Variants in WDR26 observed in about 807,000 individuals in gnomAD.
WDR26 encodes the protein WD repeat domain 26, also known as WD repeat-containing protein 26.
WDR26 carries 5 observed loss-of-function variants against 84.1 expected under a neutral mutation model. That is an observed-to-expected ratio of 0.06 (90% CI 0.03 to 0.13). The LOEUF (loss-of-function observed/expected upper bound fraction) is 0.13. Among genes scored for constraint, WDR26 ranks in the 10% least tolerant of loss-of-function variants. WDR26 has a pLI of 1.00. For missense variants in WDR26, 642 were observed against 974.9 expected, an observed-to-expected ratio of 0.66 and a Z score of 4.55; for synonymous variants, 415 against 389.6, an observed-to-expected ratio of 1.07 and a Z score of -0.77.
chr1:224,411,098 C>G (rs973238816), intron 7 of WDR26, among the ~76,000 whole-genome samples: 10 of 152,172 alleles, frequency 6.6e-5, no homozygotes, highest in Admixed American at 3.3e-4. Context: ...TTGTCACGTA[C>G]TAGCTGTGAG....
chr1:224,433,247 A>G lies in WDR26; in HGVS notation c.722+437T>C, dbSNP rs1674454636. Among the ~76,000 whole-genome samples the G allele has an allele frequency of 2.0e-5, 3 of 152,080 alleles. No homozygotes were observed. The South Asian group carries it at 6.2e-4, about 31-fold the overall frequency. ...GTTGGGGGTGGGGAGGTGTCCCACA[A>G]AGATGCCTCCAAGATACACTTGAAA... On this transcript the variant is annotated intron_variant, in intron 1 of 13. Coordinates refer to ENST00000414423, the MANE Select transcript of WDR26 (RefSeq NM_001379403.1).
rs1050970840 is a variant in WDR26 at position 224,421,167 on chromosome 1, G to A, written c.1065-1552C>T. On this transcript the variant is annotated intron_variant, in intron 4 of 13. Transcript: ENST00000414423. ...CCCAGTTCCACATCTCACCACCTTT[G>A]GGCCATTTCCTTAGGTGAAAAACTC... Among the ~76,000 whole-genome samples the A allele has an allele frequency of 3.9e-5, 6 of 152,178 alleles. No homozygotes were observed. In the South Asian group the frequency reaches 1.2e-3, roughly 32 times the overall value.
In WDR26 at chr1:224,389,374, A is replaced by G; in HGVS notation, c.*461T>C. 1 of 295,514 alleles carries G rather than the reference A, an allele frequency of 3.4e-6. No homozygotes were observed. Among genetic ancestry groups the G allele is most frequent in the Non-Finnish European group, 6.2e-6 (1 of 162,426 alleles). The allele number at this position is 295,514 out of a possible 1,614,324, so 18.3% of individuals were successfully genotyped here. On this transcript the variant is annotated 3_prime_UTR_variant, in exon 14 of 14. Coordinates refer to ENST00000414423, the MANE Select transcript of WDR26 (RefSeq NM_001379403.1). ...TAAGGCGGAAAGATTTGGAGAAACA[A>G]AAGAAGGAAATTCTTTCCTATCCAA...
intron 4 of WDR26, among the ~76,000 whole-genome samples, chr1:224,423,505 G>C (rs576264677): frequency 3.5e-4 from 53 of 152,184 alleles, no homozygotes; most frequent in Non-Finnish European, 6.3e-4. Flanking sequence ...CAGCACCTTG[G>C]GAGGCCGAAG....
chr1:224,406,618 C>T (rs181388299), intron 7 of WDR26, among the ~76,000 whole-genome samples: 558 of 152,216 alleles, frequency 3.7e-3, no homozygotes, highest in Non-Finnish European at 6.3e-3. Flanking sequence ...GTTAACAATG[C>T]GACTACTTCT....
In WDR26 at chr1:224,412,404, T is replaced by C. The variant is rs374637034; in HGVS notation, c.1320-839A>G. On this transcript the variant is annotated intron_variant, in intron 6 of 13. Transcript: ENST00000414423. Reference sequence around the variant, plus strand: ...AATTAACCTCTCTAAATCTCAATTTTTCCAACTATCAAACAAAGATTAAGG... The same window carrying C: ...AATTAACCTCTCTAAATCTCAATTTCTCCAACTATCAAACAAAGATTAAGG... Among the ~76,000 whole-genome samples the C allele has an allele frequency of 5.9e-5, 9 of 152,288 alleles. No individual in the cohort carries two copies. In the East Asian group the frequency reaches 9.6e-4, roughly 16 times the overall value.
intron 6 of WDR26, among the ~76,000 whole-genome samples, chr1:224,414,092 G>A (rs747994231): frequency 2.6e-5 from 4 of 151,140 alleles, no homozygotes; most frequent in Admixed American, 6.6e-5. Flanking sequence ...GATTACAGGC[G>A]TGAGCCACCA....
rs889790374 is a variant in WDR26, at chr1:224,386,968, A to G, written c.*2867T>C. The G allele has an allele frequency of 1.3e-5, 2 of 152,482 alleles. No homozygotes were observed. The highest frequency in any genetic ancestry group is 4.8e-5 in the African/African-American group (2 of 41,444). The allele number at this position is 152,482 out of a possible 1,614,324, so 9.4% of individuals were successfully genotyped here. On this transcript the variant is annotated 3_prime_UTR_variant, in exon 14 of 14. Transcript: ENST00000414423. ...CTAATCTCAGTAATCCCCAAGTCCA[A>G]CATTTTACCATTAATAACCAATTAT...
intron 4 of WDR26, among the ~76,000 whole-genome samples, chr1:224,422,803 T>C (rs1674102292): frequency 6.6e-6 from 1 of 152,164 alleles, no homozygotes; most frequent in African/African-American, 2.4e-5. Context: ...GTCCATGGCT[T>C]AACTAGGCTA....
chr1:224,407,005 C>T (rs554727599), intron 7 of WDR26, among the ~76,000 whole-genome samples: 210 of 148,278 alleles, frequency 1.4e-3, no homozygotes, highest in Non-Finnish European at 2.2e-3. Context: ...GCCTGTAATC[C>T]CAGCTGCTCG....
chr1:224,398,254 T>G (rs764073284), intron 11 of WDR26, 28 bp from the exon 12 acceptor site: 1 of 1,600,612 alleles, frequency 6.2e-7, no homozygotes, highest in Non-Finnish European at 8.5e-7. Context: ...TACAGATATT[T>G]AATCTGCCTC....
chr1:224,398,884 G>C lies in WDR26; in HGVS notation c.1865+5C>G. The C allele has an allele frequency of 6.2e-7, 1 of 1,613,442 alleles. No individual in the cohort carries two copies. Among genetic ancestry groups the C allele is most frequent in the South Asian group, 1.1e-5 (1 of 90,980 alleles). On this transcript the variant is annotated splice_donor_5th_base_variant and intron_variant, in intron 10 of 13. Coordinates refer to ENST00000414423, the MANE Select transcript of WDR26 (RefSeq NM_001379403.1). Reference sequence around the variant, plus strand: ...TGTTGTTTAATGGAAACAAAAAATAGTTACATGTTCCTATCTGTAAGGTCC... The same window carrying C: ...TGTTGTTTAATGGAAACAAAAAATACTTACATGTTCCTATCTGTAAGGTCC...
chr1:224,417,538 A>G (rs1673940520), intron 6 of WDR26, among the ~76,000 whole-genome samples: 2 of 152,224 alleles, frequency 1.3e-5, no homozygotes, highest in Admixed American at 1.3e-4. Context: ...CCCCATCTCT[A>G]CAAAAAAACT....
intron 12 of WDR26, among the ~76,000 whole-genome samples, chr1:224,396,177 T>C (rs1024815223): frequency 1.3e-5 from 2 of 152,212 alleles, no homozygotes; most frequent in African/African-American, 4.8e-5. Context: ...GTCTAATTTG[T>C]AGCCCTAAAC....
At chr1:224,400,380 A>C (rs1673379105) in intron 9 of WDR26, among the ~76,000 whole-genome samples, 1 of 152,168 alleles carries the variant, frequency 6.6e-6, no homozygotes, top group African/African-American at 2.4e-5. Context: ...AAAAACAAAA[A>C]TGTTTAGCAA....
At chr1:224,403,631 A>G (rs1186467054) in intron 8 of WDR26, among the ~76,000 whole-genome samples, 1 of 152,186 alleles carries the variant, frequency 6.6e-6, no homozygotes, top group Non-Finnish European at 1.5e-5. Context: ...ATAAAATTCA[A>G]ATTTTCATAT....
At chr1:224,430,364 CACT>C (rs762693984) in intron 3 of WDR26, 16 of 151,936 alleles carry the variant, frequency 1.1e-4, no homozygotes, top group South Asian at 4.2e-4. Context: ...AAAAATAATA[CACT>C]ACATCATCAA....
intron 12 of WDR26, among the ~76,000 whole-genome samples, chr1:224,395,865 G>A (rs141451034): frequency 6.6e-6 from 1 of 152,166 alleles, no homozygotes; most frequent in African/African-American, 2.4e-5. Flanking sequence ...GAAATCTATT[G>A]TTTATGCAAA....
chr1:224,404,616 C>A, intron 7 of WDR26, 46 bp from the exon 8 acceptor site: 1 of 1,558,392 alleles, frequency 6.4e-7, no homozygotes, highest in South Asian at 1.2e-5. Flanking sequence ...TCACTAAAGT[C>A]ATTGTTTCCC....
Sources: allele counts gnomAD v4.1 joint callset (sites outside exome capture counted in the v4.1 genomes callset), GRCh38; gene constraint gnomAD v4.1.1; transcripts MANE v1.5; gene names NCBI Gene and HGNC (gene_info 2026-07-23, HGNC 2026-07-21).